The following PLK4 variants were observed in gnomAD, a reference collection of about 807,000 sequenced individuals.
PLK4 encodes the protein serine/threonine-protein kinase PLK4.
A neutral mutation model predicts 103.0 loss-of-function variants in PLK4; 51 were observed. The ratio of observed to expected loss-of-function variants is 0.50; its 90% CI spans 0.40 to 0.63. The LOEUF (loss-of-function observed/expected upper bound fraction) is 0.63, where lower values mean the gene tolerates loss of function less well. Ranked by LOEUF, PLK4 falls within the 20% of genes least tolerant of loss-of-function variation. PLK4 has a pLI of 0.00. For synonymous variants in PLK4, 389 were observed against 376.8 expected (o/e 1.03, Z -0.38); for missense variants, 1,054 against 1,151.0 (o/e 0.92, Z 1.22).
chr4:127,896,771 T>G (rs1256100231), intron 14 of PLK4, 30 bp from the exon 15 acceptor site: 5 of 1,252,712 alleles, frequency 4.0e-6, no homozygotes, highest in Non-Finnish European at 3.5e-6. Context: ...TTTCTGTGCC[T>G]GTTCTTACCC....
chr4:127,896,675 C>T, intron 14 of PLK4, 126 bp from the exon 15 acceptor site: 2 of 488,320 alleles, frequency 4.1e-6, no homozygotes, highest in Non-Finnish European at 7.3e-6. Flanking sequence ...TGTGGAAAAC[C>T]TGTTAAATAT....
At chr4:127,881,489 G>A in intron 1 of PLK4, 1 of 978,560 alleles carries the variant, frequency 1.0e-6, no homozygotes. Flanking sequence ...AGGGGATGGC[G>A]GTTATCTCCG....
At chr4:127,882,037 G>A (rs991625788) in intron 2 of PLK4, 111 bp downstream of exon 2, 6 of 650,756 alleles carry the variant, frequency 9.2e-6, no homozygotes, top group Non-Finnish European at 1.4e-5. Context: ...ATAGTGTAAG[G>A]AACACTTTAC....
rs1482086811 is a variant in PLK4 at position 127,889,738 on chromosome 4, ATTG to A, written c.1460-125_1460-123del. 4.6e-6 allele frequency: 3 copies of A among 657,662 alleles called. No homozygotes were observed. In the African/African-American group the frequency reaches 5.5e-5, roughly 12 times the overall value. 40.7% of individuals were successfully genotyped at this position (657,662 alleles called of 1,614,324 possible). ...ATTTGTTAGAAAATTATGAGCTCTT[ATTG>A]TTTTGTTTTTTGTAACTAGAATTCT... On this transcript the variant is annotated intron_variant, in intron 6 of 15. Coordinates refer to ENST00000270861, the MANE Select transcript of PLK4 (RefSeq NM_014264.5).
Position 127,886,213 on chromosome 4 carries a change from C to T in PLK4, c.843C>T (p.Asp281=). The T allele has an allele frequency of 1.2e-6, 2 of 1,614,108 alleles. No individual in the cohort carries two copies. The change falls in exon 5 of 16, where the codon GAC becomes GAT. Residue 281 remains aspartate, a synonymous_variant. Transcript: ENST00000270861. ...TKSKDLGTVE[D]SIDSGHATIS... is the part of the protein sequence containing the mutation. ...GTAAAGATTTAGGAACTGTGGAAGA[C>T]TCAATTGATAGTGGGCATGCCACAA...
At chr4:127,893,935 G>T (rs929746190) in intron 13 of PLK4, 54 bp downstream of exon 13, 6 of 952,996 alleles carry the variant, frequency 6.3e-6, no homozygotes, top group Non-Finnish European at 8.3e-6. Flanking sequence ...ATTGCCTGAT[G>T]CCCTTCTTGT....
At chr4:127,888,199 A>AAAAAAAAAAAAAAAAAC (rs1735215125) in intron 6 of PLK4, among the ~76,000 whole-genome samples, 1 of 145,366 alleles carries the variant, frequency 6.9e-6, no homozygotes, top group Non-Finnish European at 1.5e-5. Context: ...AAAAAAAAAA[A>AAAAAAAAAAAAAAAAAC]AAAAAAAAAA....
intron 6 of PLK4, among the ~76,000 whole-genome samples, chr4:127,888,819 TA>T (rs1254192890): frequency 6.6e-6 from 1 of 152,098 alleles, no homozygotes; most frequent in Non-Finnish European, 1.5e-5. Context: ...AAAAAGCAAA[TA>T]ACACAGCTGT....
chr4:127,893,053 T>A (rs2148822860), intron 10 of PLK4: 1 of 333,388 alleles, frequency 3.0e-6, no homozygotes, highest in South Asian at 6.5e-5. Flanking sequence ...ATGAATATAG[T>A]GATTTTTTAA....
Position 127,886,641 on chromosome 4 carries a change from A to T in PLK4, c.1271A>T (p.Asp424Val). Residue 424 changes from aspartate to valine, a missense_variant, in exon 5 of 16, where the codon GAC becomes GTC. By Grantham distance (152) the Asp-to-Val change is radical. This residue lies in a region of PLK4 where 680 missense variants were observed against 660.3 expected (regional missense o/e 1.03). Transcript: ENST00000270861. ...AATGAAGAGAGGTACTCACCCACAG[A>T]CAACAATGCCAACATTTTTAACTTC... is the stretch of plus-strand genomic sequence containing the variant. ...GENEERYSPT[D>V]NNANIFNFFK... The T allele has an allele frequency of 6.2e-7, 1 of 1,613,562 alleles. No homozygotes were observed. The highest frequency in any genetic ancestry group is 1.1e-5 in the South Asian group (1 of 91,042).
chr4:127,891,045 A>T, intron 7 of PLK4, 47 bp from the exon 8 acceptor site: 1 of 1,037,136 alleles, frequency 9.6e-7, no homozygotes, highest in East Asian at 2.4e-5. Flanking sequence ...GAGCTGTTCT[A>T]GTAAACAAAA....
At chr4:127,887,324 A>C (rs1735173212) in intron 5 of PLK4, 72 bp from the exon 6 acceptor site, 17 of 768,198 alleles carry the variant, frequency 2.2e-5, no homozygotes, top group Non-Finnish European at 3.1e-5. Context: ...ATCCTTCTCT[A>C]ATATTTTTAC....
intron 4 of PLK4, among the ~76,000 whole-genome samples, chr4:127,885,043 T>C (rs939516328): frequency 6.6e-6 from 1 of 152,158 alleles, no homozygotes; most frequent in Admixed American, 6.5e-5. Context: ...ATGAATCGTT[T>C]GTGCAATTGT....
chr4:127,887,554 T>A, intron 6 of PLK4, 58 bp downstream of exon 6: 1 of 962,104 alleles, frequency 1.0e-6, no homozygotes, highest in Non-Finnish European at 1.6e-6. Flanking sequence ...TTACCAAGCA[T>A]TGCAGTGTTC....
In PLK4 at chr4:127,893,532, C is replaced by T. The variant is rs747604244; in HGVS notation, c.2342C>T (p.Ala781Val). 1.2e-6 allele frequency: 2 copies of T among 1,612,160 alleles called. No homozygotes were observed. Among genetic ancestry groups the T allele is most frequent in the South Asian group, 2.2e-5 (2 of 90,868 alleles). Reference sequence around the variant, plus strand: ...AAATAGGGTCATCGTATTTGTTTAGCACTGGAATCCATAATTTCAGAAGAG... The same window carrying T: ...AAATAGGGTCATCGTATTTGTTTAGTACTGGAATCCATAATTTCAGAAGAG... ...HANEGHRICL[A>V]LESIISEEER... The change falls in exon 12 of 16, where the codon GCA becomes GTA. Residue 781 changes from alanine to valine, a missense_variant. Physicochemically the swap from Ala to Val is moderately conservative, Grantham distance 64. Around this residue, in one of 4 missense-constraint regions of PLK4, gnomAD observed 167 missense variants for 200.7 expected, o/e 0.83. Coordinates refer to ENST00000270861, the MANE Select transcript of PLK4 (RefSeq NM_014264.5).
chr4:127,882,693 GGTT>G (rs1216037137), intron 2 of PLK4, among the ~76,000 whole-genome samples: 2 of 152,168 alleles, frequency 1.3e-5, no homozygotes, highest in African/African-American at 2.4e-5. Flanking sequence ...GGGAGGCAGA[GGTT>G]GTGGTGAGCT....
intron 1 of PLK4, 131 bp downstream of exon 1, chr4:127,881,295 C>T: frequency 6.5e-7 from 1 of 1,547,294 alleles, no homozygotes; most frequent in Non-Finnish European, 8.7e-7. Context: ...GGGAGGGTCC[C>T]AACGGCCCAG....
rs751325134 is a variant in PLK4 at position 127,889,972 on chromosome 4, A to C, written c.1566A>C (p.Thr522=). Residue 522 remains threonine, a synonymous_variant, in exon 7 of 16, where the codon ACA becomes ACC. Transcript: ENST00000270861. ...KDTSKNAWTD[T]KVKKNSDASD... is the part of the protein sequence containing the mutation. ...CATCAAAAAATGCCTGGACTGATAC[A>C]AAAGTCAAAAAGAACTCTGATGCTT... is the stretch of plus-strand genomic sequence containing the variant. 1 of 1,614,112 alleles carries C rather than the reference A, an allele frequency of 6.2e-7. No homozygotes were observed. Among genetic ancestry groups the C allele is most frequent in the Non-Finnish European group, 8.5e-7 (1 of 1,179,952 alleles).
chr4:127,891,231 A>T (rs1735346519), intron 8 of PLK4, 35 bp downstream of exon 8: 2 of 1,061,192 alleles, frequency 1.9e-6, no homozygotes, highest in South Asian at 2.9e-5. Context: ...TTGCAACTTC[A>T]AATTATCGTT....
Sources: allele counts gnomAD v4.1 joint callset (sites outside exome capture counted in the v4.1 genomes callset), GRCh38; gene constraint gnomAD v4.1.1; regional missense constraint gnomAD v4.1.1; transcripts MANE v1.5; gene names NCBI Gene and HGNC (gene_info 2026-07-23, HGNC 2026-07-21).